The following PIK3CA variants were observed in gnomAD, a reference collection of about 807,000 sequenced individuals.
PIK3CA encodes the protein phosphatidylinositol 4,5-bisphosphate 3-kinase catalytic subunit alpha isoform.
PIK3CA carries 27 observed loss-of-function variants against 138.2 expected under a neutral mutation model. The ratio of observed to expected loss-of-function variants is 0.20; its 90% CI spans 0.14 to 0.27. PIK3CA has a LOEUF of 0.27. Ranked by LOEUF, PIK3CA falls within the 10% of genes least tolerant of loss-of-function variation. The pLI is 1.00. For missense variants in PIK3CA, 544 were observed against 1,277.4 expected, an observed-to-expected ratio of 0.43 and a Z score of 8.75; for synonymous variants, 358 against 413.2, an observed-to-expected ratio of 0.87 and a Z score of 1.62.
chr3:179,210,806 A>T (rs963496417), intron 9 of PIK3CA, among the ~76,000 whole-genome samples: 11 of 152,220 alleles, frequency 7.2e-5, no homozygotes, highest in African/African-American at 2.7e-4. Flanking sequence ...ACTATGTGTA[A>T]AGCACTGGGA....
chr3:179,163,544 A>G (rs1157966917), intron 1 of PIK3CA, among the ~76,000 whole-genome samples: 1 of 152,118 alleles, frequency 6.6e-6, no homozygotes, highest in African/African-American at 2.4e-5. Context: ...CCCAACCCCC[A>G]TACAAGTGAA....
intron 20 of PIK3CA, among the ~76,000 whole-genome samples, chr3:179,232,920 C>T (rs1004737649): frequency 6.6e-6 from 1 of 151,900 alleles, no homozygotes; most frequent in African/African-American, 2.4e-5. Flanking sequence ...CGTAGTGGTG[C>T]GATCTCAGCT....
At chr3:179,203,871 A>G in intron 5 of PIK3CA, 82 bp downstream of exon 5, 1 of 969,342 alleles carries the variant, frequency 1.0e-6, no homozygotes, top group East Asian at 2.5e-5. Context: ...TAATCTGTTG[A>G]CCTGTAGTAT....
Position 179,234,440 on chromosome 3 carries a change from G to A in PIK3CA, c.*76G>A, listed in dbSNP as rs576129082. ...TAATAACTCTCAGCAGGCAAAGACC[G>A]ATTGCATAGGAATTGCACAATCCAT... On this transcript the variant is annotated 3_prime_UTR_variant, in exon 21 of 21. Coordinates refer to ENST00000263967, the MANE Select transcript of PIK3CA (RefSeq NM_006218.4). This position sits in a 1 kb window ranked among gnomAD's most constrained non-coding sequence, Gnocchi z 5.1. The A allele has an allele frequency of 1.6e-5, 19 of 1,217,666 alleles. No individual in the cohort carries two copies. The Middle Eastern group carries it at 1.0e-3, about 64-fold the overall frequency. 75.4% of individuals were successfully genotyped at this position (1,217,666 alleles called of 1,614,324 possible). A position where few individuals can be genotyped will look rare whatever the true frequency, so the allele number is the denominator to read the frequency against.
chr3:179,228,691 T>G (rs1373245792), intron 17 of PIK3CA, among the ~76,000 whole-genome samples: 1 of 152,084 alleles, frequency 6.6e-6, no homozygotes, highest in East Asian at 1.9e-4. Context: ...AGAATTTCAC[T>G]CTTCTCACTA....
chr3:179,210,176 G>A lies in PIK3CA; in HGVS notation c.1252-10G>A, dbSNP rs201600987. Reference sequence around the variant, plus strand: ...TTTAGACTAGTGAATATTTTTCTTTGTTTTTTAAGGAACACTGTCCATTGG... The same window carrying A: ...TTTAGACTAGTGAATATTTTTCTTTATTTTTTAAGGAACACTGTCCATTGG... On this transcript the variant is annotated splice_polypyrimidine_tract_variant and intron_variant, in intron 7 of 20. Transcript: ENST00000263967. 2 of 1,559,820 alleles carry A rather than the reference G, an allele frequency of 1.3e-6. No individual in the cohort carries two copies. The highest frequency in any genetic ancestry group is 2.8e-5 in the African/African-American group (2 of 71,214).
chr3:179,173,795 C>T (rs71631207), intron 1 of PIK3CA, among the ~76,000 whole-genome samples: 1 of 151,882 alleles, frequency 6.6e-6, no homozygotes, highest in African/African-American at 2.4e-5. Flanking sequence ...GGCACAATCT[C>T]GGCACACTGC....
rs753064641 is a variant in PIK3CA at position 179,234,117 on chromosome 3, C to T, written c.2960C>T (p.Ala987Val). The change falls in exon 21 of 21, where the codon GCT becomes GTT. Residue 987 changes from alanine to valine, a missense_variant. By Grantham distance (64) the Ala-to-Val change is moderately conservative. Coordinates refer to ENST00000263967, the MANE Select transcript of PIK3CA (RefSeq NM_006218.4). The surrounding 1 kb of genome is among the most constrained non-coding windows in gnomAD (Gnocchi z 5.1). ...FERFQEMCYK[A>V]YLAIRQHANL... Reference sequence around the variant, plus strand: ...AGGTTTCAGGAGATGTGTTACAAGGCTTATCTAGCTATTCGACAGCATGCC... The same window carrying T: ...AGGTTTCAGGAGATGTGTTACAAGGTTTATCTAGCTATTCGACAGCATGCC... The T allele has an allele frequency of 6.2e-7, 1 of 1,611,388 alleles. No individual in the cohort carries two copies.
rs1171325855 is a variant in PIK3CA, at chr3:179,239,838, G to GT, written c.*5479dup. 1 of 494,486 alleles carries GT rather than the reference G, an allele frequency of 2.0e-6. No individual in the cohort carries two copies. Among genetic ancestry groups the GT allele is most frequent in the Non-Finnish European group, 3.6e-6 (1 of 275,296 alleles). The allele number at this position is 494,486 out of a possible 1,614,324, so 30.6% of individuals were successfully genotyped here. ...ATACTGCATTCATTAGAAGAAAAAC[G>GT]TTTTTAATGTCCTTTTAATGATGGC... On this transcript the variant is annotated 3_prime_UTR_variant, in exon 21 of 21. Coordinates refer to ENST00000263967, the MANE Select transcript of PIK3CA (RefSeq NM_006218.4).
Position 179,238,861 on chromosome 3 carries a change from G to C in PIK3CA, c.*4497G>C, listed in dbSNP as rs1336708917. The C allele has an allele frequency of 1.4e-5, 3 of 220,484 alleles. No homozygotes were observed. Among genetic ancestry groups the C allele is most frequent in the Non-Finnish European group, 2.7e-5 (3 of 110,000 alleles). 13.7% of individuals were successfully genotyped at this position (220,484 alleles called of 1,614,324 possible). A position where few individuals can be genotyped will look rare whatever the true frequency, so the allele number is the denominator to read the frequency against. On this transcript the variant is annotated 3_prime_UTR_variant, in exon 21 of 21. Coordinates refer to ENST00000263967, the MANE Select transcript of PIK3CA (RefSeq NM_006218.4). ...TATCAAGGTTCTAAAATTCGGAAGA[G>C]TTTAGAATTTATTAGGAGTTTCCCA...
chr3:179,229,217 A>G, intron 17 of PIK3CA, 55 bp from the exon 18 acceptor site: 3 of 1,404,614 alleles, frequency 2.1e-6, no homozygotes, highest in Non-Finnish European at 3.0e-6. Flanking sequence ...CTGTTAAAAC[A>G]TTTGCTATTT....
At chr3:179,149,603 T>C (rs1722957607) in intron 1 of PIK3CA, 1 of 152,246 alleles carries the variant, frequency 6.6e-6, no homozygotes, top group African/African-American at 2.4e-5. Context: ...TTCATCTTGG[T>C]GAAGCTTCCT....
chr3:179,230,432 ACAAT>A lies in PIK3CA; in HGVS notation c.2936+61_2936+64del, dbSNP rs1278845531. On this transcript the variant is annotated intron_variant, in intron 20 of 20. Coordinates refer to ENST00000263967, the MANE Select transcript of PIK3CA (RefSeq NM_006218.4). The surrounding 1 kb of genome is among the most constrained non-coding windows in gnomAD (Gnocchi z 5.4). ...AAGAGTTCTGGCTGCTCTATTAGAA[ACAAT>A]CAATATTTTTCAAGCAATTTCAAAA... 15 of 1,399,762 alleles carry A rather than the reference ACAAT, an allele frequency of 1.1e-5. No individual in the cohort carries two copies. In the East Asian group the frequency reaches 1.8e-4, roughly 17 times the overall value. The allele number at this position is 1,399,762 out of a possible 1,614,324, so 86.7% of individuals were successfully genotyped here. A position where few individuals can be genotyped will look rare whatever the true frequency, so the allele number is the denominator to read the frequency against.
intron 1 of PIK3CA, among the ~76,000 whole-genome samples, chr3:179,195,360 C>T (rs78770087): frequency 0.016 from 2,390 of 152,036 alleles, 92 homozygotes; most frequent in South Asian, 0.13. Flanking sequence ...CAATACTTTA[C>T]AAGTTTATTG....
At chr3:179,204,622 T>A (rs201511847) in intron 6 of PIK3CA, 34 bp downstream of exon 6, 1 of 1,062,750 alleles carries the variant, frequency 9.4e-7, no homozygotes. Context: ...TTTCCAAAGG[T>A]TATATTAGTG....
intron 6 of PIK3CA, among the ~76,000 whole-genome samples, chr3:179,205,055 A>AAAAAAAAAAAAAAAC (rs1724523356): frequency 7.5e-6 from 1 of 134,206 alleles, no homozygotes. Flanking sequence ...AAAAAAAAAA[A>AAAAAAAAAAAAAAAC]ATTAGCTAGG....
At chr3:179,151,639 G>A (rs1321254153) in intron 1 of PIK3CA, among the ~76,000 whole-genome samples, 4 of 152,150 alleles carry the variant, frequency 2.6e-5, no homozygotes, top group African/African-American at 9.7e-5. Flanking sequence ...GTAAAGCCCT[G>A]GCTGTCAAGG....
intron 2 of PIK3CA, 149 bp downstream of exon 2, chr3:179,199,326 C>G: frequency 3.7e-6 from 2 of 547,134 alleles, no homozygotes; most frequent in Non-Finnish European, 3.1e-6. Context: ...GTTTTACTAT[C>G]GAACTATGGA....
At chr3:179,191,100 G>A (rs1327623571) in intron 1 of PIK3CA, among the ~76,000 whole-genome samples, 6 of 152,148 alleles carry the variant, frequency 3.9e-5, no homozygotes, top group South Asian at 4.1e-4. Flanking sequence ...AGGAACTTCC[G>A]TCTTGATAAG....
Sources: gnomAD v4.1 joint callset for allele counts (sites outside exome capture counted in the v4.1 genomes callset) on GRCh38, gnomAD v4.1.1 for gene constraint, Gnocchi (gnomAD v3.1) non-coding constraint, MANE v1.5 for transcripts, NCBI Gene and HGNC (gene_info 2026-07-23, HGNC 2026-07-21) for gene names.